Variants in LMBRD1 observed in about 807,000 individuals in gnomAD.
LMBRD1 encodes the protein lysosomal cobalamin transport escort protein LMBD1.
LMBRD1 carries 64 observed loss-of-function variants against 74.8 expected under a neutral mutation model. That is an observed-to-expected ratio of 0.86 (90% CI 0.70 to 1.05). The LOEUF (loss-of-function observed/expected upper bound fraction) is 1.05, where lower values mean the gene tolerates loss of function less well. Ranked by LOEUF, LMBRD1 falls within the 50% of genes least tolerant of loss-of-function variation. The pLI, the probability that LMBRD1 is intolerant of heterozygous loss-of-function variation, is 0.00. For synonymous variants in LMBRD1, 204 were observed against 216.3 expected, an observed-to-expected ratio of 0.94 and a Z score of 0.50; for missense variants, 652 against 645.9, an observed-to-expected ratio of 1.01 and a Z score of -0.10.
rs558285817 is a variant in LMBRD1, at chr6:69,721,074, C to T, written c.637-1993G>A. On this transcript the variant is annotated intron_variant, in intron 7 of 15. Coordinates refer to ENST00000649934, the MANE Select transcript of LMBRD1 (RefSeq NM_018368.4). ...ACCAACACCAGCCAGAGGGGAATCA[C>T]TCATCCCAGTGGTTGGAACTGGAGT... Among the ~76,000 whole-genome samples, 4 of 152,320 alleles carry T rather than the reference C, an allele frequency of 2.6e-5. No homozygotes were observed. In the East Asian group the frequency reaches 7.7e-4, roughly 29 times the overall value.
intron 14 of LMBRD1, among the ~76,000 whole-genome samples, chr6:69,687,865 G>A (rs1765796290): frequency 6.6e-6 from 1 of 151,836 alleles, no homozygotes; most frequent in South Asian, 2.1e-4. Flanking sequence ...TTTTTTAAAG[G>A]TCTCTGCCCC....
intron 8 of LMBRD1, 55 bp downstream of exon 8, chr6:69,718,901 A>T: frequency 4.4e-6 from 7 of 1,591,682 alleles, no homozygotes; most frequent in Non-Finnish European, 6.0e-6. Context: ...ATCAGAAAGC[A>T]GCTCTAAGAC....
rs561265847 is a variant in LMBRD1, at chr6:69,699,167, G to C, written c.1214C>G (p.Thr405Ser). The C allele has an allele frequency of 1.9e-5, 30 of 1,611,698 alleles. 1 individual carries two copies. In the Admixed American group the frequency reaches 3.2e-4, roughly 17 times the overall value. Reference sequence around the variant, plus strand: ...GAGAAAAAGGAGTGCTTGGGGCCTGGTTCTACCTCTTCTGATTTTATATAA... The same window carrying C: ...GAGAAAAAGGAGTGCTTGGGGCCTGCTTCTACCTCTTCTGATTTTATATAA... ...IRLYKIRRGR[T>S]RPQALLFLCM... The change falls in exon 13 of 16, where the codon ACC becomes AGC. Residue 405 changes from threonine (T) to serine (S), a missense_variant. Thr to Ser is a moderately conservative substitution (Grantham distance 58, BLOSUM62 1). Around this residue, in one of 3 missense-constraint regions of LMBRD1, gnomAD observed 598 missense variants for 581.8 expected, o/e 1.03. Transcript: ENST00000649934.
rs772768546 is a variant in LMBRD1, at chr6:69,790,317, T to C, written c.225A>G (p.Lys75=). The C allele has an allele frequency of 4.3e-6, 7 of 1,611,990 alleles. No homozygotes were observed. In the South Asian group the frequency reaches 5.5e-5, roughly 13 times the overall value. The change falls in exon 2 of 16, where the codon AAA becomes AAG. Residue 75 remains lysine (K), a synonymous_variant. Transcript: ENST00000649934. ...PVDIFLVSYM[K]NQNGTFKDWA... ...TTACCTTAAATGTACCATTTTGATT[T>C]TTCATGTAAGAAACCAAAAATATAT...
chr6:69,675,221 T>C lies in LMBRD1; in HGVS notation c.*937A>G, dbSNP rs1408315685. Among the ~76,000 whole-genome samples, 6 of 152,156 alleles carry C rather than the reference T, an allele frequency of 3.9e-5. No homozygotes were observed. Among genetic ancestry groups the C allele is most frequent in the Admixed American group, 3.3e-4 (5 of 15,272 alleles). ...TAATGATATTTTACCTCAAGGATCA[T>C]GATATATACTTTTTTATGAGTTCTA... is the stretch of plus-strand genomic sequence containing the variant. On this transcript the variant is annotated 3_prime_UTR_variant, in exon 16 of 16. Coordinates refer to ENST00000649934, the MANE Select transcript of LMBRD1 (RefSeq NM_018368.4).
intron 8 of LMBRD1, among the ~76,000 whole-genome samples, chr6:69,717,786 T>A (rs952220763): frequency 7.9e-5 from 12 of 152,136 alleles, no homozygotes; most frequent in African/African-American, 2.9e-4. Context: ...CAGCCGCAAC[T>A]TCCTGGGCTC....
At chr6:69,785,278 G>C (rs889054736) in intron 2 of LMBRD1, among the ~76,000 whole-genome samples, 6 of 152,050 alleles carry the variant, frequency 3.9e-5, no homozygotes, top group Non-Finnish European at 8.8e-5. Flanking sequence ...TCCAGTCCTC[G>C]GTCCAGTGTC....
intron 3 of LMBRD1, among the ~76,000 whole-genome samples, chr6:69,765,229 C>CT (rs1013807666): frequency 9.9e-5 from 15 of 152,208 alleles, no homozygotes; most frequent in African/African-American, 3.6e-4. Flanking sequence ...TTGTGCCCCC[C>CT]TCCCTTAATT....
chr6:69,724,198 G>T (rs981102300), intron 7 of LMBRD1, among the ~76,000 whole-genome samples: 1 of 151,552 alleles, frequency 6.6e-6, no homozygotes, highest in Non-Finnish European at 1.5e-5. Context: ...GGAAAGCCCA[G>T]GACCTACTGC....
At chr6:69,716,126 T>C (rs1766484075) in intron 8 of LMBRD1, among the ~76,000 whole-genome samples, 1 of 152,238 alleles carries the variant, frequency 6.6e-6, no homozygotes, top group Non-Finnish European at 1.5e-5. Flanking sequence ...CCTCTGGGTA[T>C]ATACCCTCTA....
At chr6:69,788,072 A>C (rs1196702518) in intron 2 of LMBRD1, among the ~76,000 whole-genome samples, 3 of 152,208 alleles carry the variant, frequency 2.0e-5, no homozygotes, top group African/African-American at 7.2e-5. Context: ...GCATGTGCTC[A>C]AAACAATACT....
intron 12 of LMBRD1, 133 bp downstream of exon 12, chr6:69,700,632 G>C: frequency 1.7e-6 from 1 of 581,788 alleles, no homozygotes; most frequent in Non-Finnish European, 2.6e-6. Flanking sequence ...TCAACATGAA[G>C]TGAAAAGGCT....
chr6:69,773,925 C>T (rs1486245899), intron 3 of LMBRD1, among the ~76,000 whole-genome samples: 1 of 152,148 alleles, frequency 6.6e-6, no homozygotes, highest in Non-Finnish European at 1.5e-5. Context: ...ATGTTACACA[C>T]TGAAGAAGCC....
intron 3 of LMBRD1, among the ~76,000 whole-genome samples, chr6:69,764,259 G>T (rs1562117551): frequency 6.6e-6 from 1 of 152,024 alleles, no homozygotes; most frequent in Admixed American, 6.6e-5. Flanking sequence ...ATGATGTTAG[G>T]GCCCCTGTGA....
At chr6:69,711,295 A>C (rs1329567214) in intron 9 of LMBRD1, among the ~76,000 whole-genome samples, 1 of 152,180 alleles carries the variant, frequency 6.6e-6, no homozygotes, top group African/African-American at 2.4e-5. Context: ...TAGAAAGGAC[A>C]TCAATAATTA....
intron 7 of LMBRD1, among the ~76,000 whole-genome samples, chr6:69,732,732 G>A (rs973010183): frequency 1.3e-5 from 2 of 151,922 alleles, no homozygotes; most frequent in African/African-American, 4.8e-5. Flanking sequence ...AAGTTTTATG[G>A]ATAGAGGTAT....
Position 69,708,269 on chromosome 6 carries a change from C to T in LMBRD1, c.915+5376G>A, listed in dbSNP as rs111736449. The stretch of plus-strand genomic sequence containing the variant: ...GCTATTAACTTATTCTAATTAGGTG[C>T]TTATTTTTATAATTGTCTTCAGCAC... On this transcript the variant is annotated intron_variant, in intron 9 of 15. Transcript: ENST00000649934. Among the ~76,000 whole-genome samples, 1,018 of 152,154 alleles carry T rather than the reference C, an allele frequency of 6.7e-3. 5 individuals carry two copies. Among genetic ancestry groups the T allele is most frequent in the Non-Finnish European group, 0.011 (775 of 67,994 alleles).
chr6:69,772,995 T>C (rs888024681), intron 3 of LMBRD1, among the ~76,000 whole-genome samples: 2 of 152,200 alleles, frequency 1.3e-5, no homozygotes, highest in African/African-American at 4.8e-5. Context: ...GGTACTACTT[T>C]ATCACCATTT....
Position 69,675,804 on chromosome 6 carries a change from A to C in LMBRD1, c.*354T>G, listed in dbSNP as rs1262185310. ...ATTCCACATCACTCTGGAGAACCTA[A>C]GGCACAGATACAGATGATTTATTAT... On this transcript the variant is annotated 3_prime_UTR_variant, in exon 16 of 16. Transcript: ENST00000649934. 3.9e-6 allele frequency: 1 copy of C among 254,826 alleles called. No individual in the cohort carries two copies. Among genetic ancestry groups the C allele is most frequent in the Non-Finnish European group, 7.7e-6 (1 of 130,366 alleles). The allele number at this position is 254,826 out of a possible 1,614,324, so 15.8% of individuals were successfully genotyped here. A position where few individuals can be genotyped will look rare whatever the true frequency, so the allele number is the denominator to read the frequency against.
Sources: allele counts gnomAD v4.1 joint callset (sites outside exome capture counted in the v4.1 genomes callset), GRCh38; gene constraint gnomAD v4.1.1; regional missense constraint gnomAD v4.1.1; transcripts MANE v1.5; gene names NCBI Gene and HGNC (gene_info 2026-07-23, HGNC 2026-07-21).